Variants in DLG2 observed in about 807,000 individuals in gnomAD.
DLG2 encodes the protein disks large homolog 2.
A neutral mutation model predicts 132.5 loss-of-function variants in DLG2; 45 were observed. The observed-to-expected ratio is 0.34, with a 90% CI of 0.27 to 0.44. The LOEUF is 0.44. Among genes scored for constraint, DLG2 ranks in the 20% least tolerant of loss-of-function variants. The pLI is 1.00. For synonymous variants in DLG2, 424 were observed against 419.6 expected (o/e 1.01, Z -0.13); for missense variants, 1,045 against 1,196.9 (o/e 0.87, Z 1.87).
intron 6 of DLG2, among the ~76,000 whole-genome samples, chr11:84,910,270 G>A (rs148276886): frequency 1.3e-5 from 2 of 152,244 alleles, no homozygotes; most frequent in African/African-American, 4.8e-5. Context: ...TGAAAACAAT[G>A]TTTTAGGCCT....
At chr11:85,618,271 CA>C (rs35142447) in intron 2 of DLG2, among the ~76,000 whole-genome samples, 10 of 148,506 alleles carry the variant, frequency 6.7e-5, no homozygotes, top group South Asian at 2.1e-4. Flanking sequence ...TTATCCCAAT[CA>C]AAAAAAAAAT....
intron 6 of DLG2, among the ~76,000 whole-genome samples, chr11:84,845,838 C>T (rs1271014959): frequency 2.0e-5 from 3 of 151,900 alleles, no homozygotes; most frequent in African/African-American, 4.8e-5. Context: ...CACCAACACA[C>T]CCAGCTAATT....
intron 6 of DLG2, among the ~76,000 whole-genome samples, chr11:84,882,920 A>G (rs1041025196): frequency 2.0e-5 from 3 of 152,094 alleles, no homozygotes; most frequent in African/African-American, 4.8e-5. Context: ...AGAATTTTCA[A>G]TAGGAATTTG....
chr11:84,570,620 CA>C (rs1168607689), intron 6 of DLG2, among the ~76,000 whole-genome samples: 1 of 152,094 alleles, frequency 6.6e-6, no homozygotes, highest in Non-Finnish European at 1.5e-5. Context: ...TTTTGCCTTC[CA>C]CTTTATGAAA....
chr11:85,145,685 T>G (rs2076791165), intron 5 of DLG2, among the ~76,000 whole-genome samples: 1 of 152,016 alleles, frequency 6.6e-6, no homozygotes, highest in Non-Finnish European at 1.5e-5. Context: ...ATTTAAAAAA[T>G]TATTTCAATC....
At chr11:84,046,674 A>G (rs2096249051) in intron 11 of DLG2, among the ~76,000 whole-genome samples, 1 of 151,458 alleles carries the variant, frequency 6.6e-6, no homozygotes, top group Non-Finnish European at 1.5e-5. Context: ...ATAATTCTCA[A>G]TCTTGCCTAA....
intron 18 of DLG2, among the ~76,000 whole-genome samples, chr11:83,772,448 AGGAGGGAG>A (rs562337022): frequency 1.6e-5 from 2 of 125,408 alleles, no homozygotes; most frequent in African/African-American, 2.9e-5. Flanking sequence ...AAAAAAGAGA[AGGAGGGAG>A]GGAGGGAGGG....
intron 7 of DLG2, among the ~76,000 whole-genome samples, chr11:84,373,253 A>AAAAAAAC (rs1439475606): frequency 9.4e-5 from 8 of 85,216 alleles, no homozygotes; most frequent in East Asian, 3.0e-4. Context: ...AACAGTCAAA[A>AAAAAAAC]AAAAAAAAAA....
rs183574088 is a variant in DLG2 at position 85,139,223 on chromosome 11, A to G, written c.282+15333T>C. ...CCCCTATCTGAAGTTTACCAGTGAG[A>G]GCAGGAACCTTATGTTTTGTCCATG... On this transcript the variant is annotated intron_variant, in intron 5 of 27. Coordinates refer to ENST00000376104, the MANE Select transcript of DLG2 (RefSeq NM_001142699.3). 9.5e-4 allele frequency among the ~76,000 whole-genome samples: 144 copies of G among 152,222 alleles called. 1 individual carries two copies. Among genetic ancestry groups the G allele is most frequent in the Middle Eastern group, 6.8e-3 (2 of 294 alleles).
intron 4 of DLG2, among the ~76,000 whole-genome samples, chr11:85,276,356 A>G (rs548522158): frequency 1.3e-5 from 2 of 152,296 alleles, no homozygotes; most frequent in South Asian, 4.1e-4. Flanking sequence ...AAAGAGGTCA[A>G]ATTATTAAAA....
chr11:85,468,550 T>C (rs1251022699), intron 3 of DLG2, among the ~76,000 whole-genome samples: 2 of 152,380 alleles, frequency 1.3e-5, no homozygotes, highest in East Asian at 3.9e-4. Context: ...TCTTTATTTC[T>C]GCCTTCCTTT....
intron 7 of DLG2, among the ~76,000 whole-genome samples, chr11:84,520,394 A>G (rs1226397910): frequency 1.3e-5 from 2 of 152,088 alleles, no homozygotes; most frequent in Non-Finnish European, 2.9e-5. Flanking sequence ...AAGCACCCCA[A>G]TCTGCTGCCA....
At chr11:83,894,315 A>G (rs2070904484) in intron 15 of DLG2, among the ~76,000 whole-genome samples, 1 of 152,226 alleles carries the variant, frequency 6.6e-6, no homozygotes, top group Admixed American at 6.5e-5. Flanking sequence ...GATAGTGATC[A>G]ATTAACCAAA....
intron 19 of DLG2, among the ~76,000 whole-genome samples, chr11:83,584,395 C>T (rs534466329): frequency 6.6e-6 from 1 of 152,292 alleles, no homozygotes; most frequent in South Asian, 2.1e-4. Flanking sequence ...AGGGATTACT[C>T]TAAATGTCAT....
chr11:84,347,483 A>C (rs1418501219), intron 7 of DLG2, among the ~76,000 whole-genome samples: 2 of 152,106 alleles, frequency 1.3e-5, no homozygotes, highest in Non-Finnish European at 2.9e-5. Context: ...TATCTCCACT[A>C]TAGGTTCTGG....
intron 6 of DLG2, among the ~76,000 whole-genome samples, chr11:84,801,062 A>G (rs940706312): frequency 3.3e-5 from 5 of 152,174 alleles, no homozygotes; most frequent in African/African-American, 1.2e-4. Flanking sequence ...ATCTGCACCA[A>G]GCATGAGGCC....
chr11:83,479,987 A>G (rs1379396635), intron 22 of DLG2, among the ~76,000 whole-genome samples: 3 of 152,226 alleles, frequency 2.0e-5, no homozygotes, highest in Non-Finnish European at 4.4e-5. Flanking sequence ...AAATGGCAAA[A>G]TAAGAAGGAA....
chr11:84,540,476 AT>A (rs2099365822), intron 6 of DLG2, among the ~76,000 whole-genome samples: 1 of 152,232 alleles, frequency 6.6e-6, no homozygotes, highest in Admixed American at 6.5e-5. Context: ...AGAAATGCAA[AT>A]CAGAACCACA....
chr11:85,239,241 T>G (rs1160139885), intron 4 of DLG2, among the ~76,000 whole-genome samples: 1 of 152,092 alleles, frequency 6.6e-6, no homozygotes, highest in Non-Finnish European at 1.5e-5. Context: ...TAGTACAGCA[T>G]GTACTACAGC....
Sources: gnomAD v4.1 joint callset for allele counts (sites outside exome capture counted in the v4.1 genomes callset) on GRCh38, gnomAD v4.1.1 for gene constraint, MANE v1.5 for transcripts, NCBI Gene and HGNC (gene_info 2026-07-23, HGNC 2026-07-21) for gene names.